RBFOX1: variants seen among roughly 807,000 people sequenced by gnomAD.
RBFOX1 encodes RNA binding protein fox-1 homolog 1.
A neutral mutation model predicts 57.7 loss-of-function variants in RBFOX1; 8 were observed. That is an observed-to-expected ratio of 0.14 (90% confidence interval 0.08 to 0.25). RBFOX1 has a LOEUF of 0.25. RBFOX1 is among the 10% of genes least tolerant of loss of function. RBFOX1 has a pLI of 1.00. For synonymous variants in RBFOX1, 326 were observed against 222.4 expected (o/e 1.47, Z -4.15); for missense variants, 611 against 548.5 (o/e 1.11, Z -1.14).
chr16:7,062,747 T>C (rs982659638), intron 4 of RBFOX1, among the ~76,000 whole-genome samples: 2 of 152,128 alleles, frequency 1.3e-5, no homozygotes, highest in African/African-American at 4.8e-5. Context: ...TTCATTCATT[T>C]CGGTAGTGAT....
chr16:5,455,159 C>G (rs143414006), intron 1 of RBFOX1, among the ~76,000 whole-genome samples: 1 of 151,732 alleles, frequency 6.6e-6, no homozygotes, highest in East Asian at 1.9e-4. Context: ...TGACTTGACT[C>G]TACTCCACAT....
At chr16:5,734,986 A>G (rs1169891679) in intron 3 of RBFOX1, among the ~76,000 whole-genome samples, 1 of 152,236 alleles carries the variant, frequency 6.6e-6, no homozygotes, top group Non-Finnish European at 1.5e-5. Flanking sequence ...GCCACAAAAA[A>G]GAAAGAAAAG....
intron 3 of RBFOX1, among the ~76,000 whole-genome samples, chr16:5,845,089 G>A (rs1024328119): frequency 1.3e-5 from 2 of 148,658 alleles, no homozygotes; most frequent in East Asian, 2.0e-4. Flanking sequence ...TCTGTAACAC[G>A]GAGGGTTTAG....
At chr16:6,310,467 C>A (rs1471207335) in intron 1 of RBFOX1, among the ~76,000 whole-genome samples, 2 of 152,172 alleles carry the variant, frequency 1.3e-5, no homozygotes, top group Non-Finnish European at 2.9e-5. Flanking sequence ...GGCTGTTTGG[C>A]TCCAGTAATA....
chr16:6,120,272 A>G (rs7197696), intron 1 of RBFOX1, among the ~76,000 whole-genome samples: 25,015 of 152,204 alleles, frequency 0.16, 2,183 homozygotes, highest in Admixed American at 0.27. Context: ...ACATGTTTTC[A>G]GTTCTTTTGG....
At chr16:5,394,337 C>T (rs1322659741) in intron 1 of RBFOX1, among the ~76,000 whole-genome samples, 1 of 152,092 alleles carries the variant, frequency 6.6e-6, no homozygotes, top group South Asian at 2.1e-4. Context: ...TTTCTTTTAA[C>T]AATGTTTACT....
intron 1 of RBFOX1, among the ~76,000 whole-genome samples, chr16:6,087,567 C>T (rs554409524): frequency 7.2e-5 from 11 of 152,118 alleles, no homozygotes; most frequent in South Asian, 4.2e-4. Flanking sequence ...AATGTCCTTC[C>T]GAAGTGTAAT....
intron 1 of RBFOX1, among the ~76,000 whole-genome samples, chr16:5,429,064 G>C (rs1436573782): frequency 6.6e-6 from 1 of 152,160 alleles, no homozygotes; most frequent in East Asian, 1.9e-4. Flanking sequence ...CTGGCCCTCT[G>C]GTGGCGAAGG....
At chr16:6,213,740 C>G (rs2097313385) in intron 1 of RBFOX1, among the ~76,000 whole-genome samples, 1 of 152,212 alleles carries the variant, frequency 6.6e-6, no homozygotes, top group Admixed American at 6.5e-5. Context: ...ACTTGTATCC[C>G]TCTCCATCCC....
intron 1 of RBFOX1, among the ~76,000 whole-genome samples, chr16:5,292,709 T>C (rs1243243257): frequency 2.0e-5 from 3 of 152,018 alleles, no homozygotes; most frequent in Admixed American, 6.6e-5. Context: ...CTGCAACCTC[T>C]GCCTCACTGG....
In RBFOX1 at chr16:6,483,518, A is replaced by G. The variant is rs751856210; in HGVS notation, c.-64+166461A>G. ...GCCGACAATGAAATCTTGGCAGCTA[A>G]TTGCAGTCGTGGGAGATGCCCTTCA... On this transcript the variant is annotated intron_variant, in intron 2 of 15. Coordinates refer to ENST00000550418, the MANE Select transcript of RBFOX1 (RefSeq NM_018723.4). 2.6e-6 allele frequency: 4 copies of G among 1,530,474 alleles called. No homozygotes were observed. In the East Asian group the frequency reaches 9.9e-5, roughly 38 times the overall value. 94.8% of individuals were successfully genotyped at this position (1,530,474 alleles called of 1,614,324 possible).
intron 2 of RBFOX1, among the ~76,000 whole-genome samples, chr16:6,402,215 T>G (rs758893043): frequency 6.6e-6 from 1 of 152,110 alleles, no homozygotes; most frequent in African/African-American, 2.4e-5. Context: ...AGAGCTAAAC[T>G]AGGCATATAG....
At chr16:5,628,277 A>G (rs1473700501) in intron 3 of RBFOX1, among the ~76,000 whole-genome samples, 1 of 152,154 alleles carries the variant, frequency 6.6e-6, no homozygotes, top group African/African-American at 2.4e-5. Flanking sequence ...CTACCATGCA[A>G]ATGGTGATCC....
intron 4 of RBFOX1, among the ~76,000 whole-genome samples, chr16:5,960,890 G>C (rs1596305097): frequency 6.6e-6 from 1 of 152,204 alleles, no homozygotes; most frequent in South Asian, 2.1e-4. Context: ...TGTTGACAGA[G>C]TGTTGACCAT....
At chr16:5,260,848 T>C (rs1470281142) in intron 1 of RBFOX1, 1 of 152,298 alleles carries the variant, frequency 6.6e-6, no homozygotes, top group Non-Finnish European at 1.5e-5. Flanking sequence ...AAGAACCAGA[T>C]AACATGCCAA....
At chr16:7,165,387 G>GTAATAATAATACTAATAA (rs1555525482) in intron 4 of RBFOX1, among the ~76,000 whole-genome samples, 10 of 141,200 alleles carry the variant, frequency 7.1e-5, no homozygotes, top group African/African-American at 2.6e-4. Flanking sequence ...TAACTCTTCT[G>GTAATAATAATACTAATAA]TAATAATAAT....
intron 4 of RBFOX1, among the ~76,000 whole-genome samples, chr16:7,151,989 G>C (rs1360229959): frequency 6.6e-6 from 1 of 152,136 alleles, no homozygotes; most frequent in Non-Finnish European, 1.5e-5. Context: ...TGTGTGGCCT[G>C]GTTTCTAACA....
chr16:6,297,145 T>C (rs12917674), intron 1 of RBFOX1, among the ~76,000 whole-genome samples: 150,651 of 152,250 alleles, frequency 0.99, 74,565 homozygotes, highest in Non-Finnish European at 1. Flanking sequence ...AAGTCAGTGT[T>C]GTCGCCATCT....
At chr16:6,306,393 C>T (rs1011062596) in intron 1 of RBFOX1, among the ~76,000 whole-genome samples, 3 of 152,154 alleles carry the variant, frequency 2.0e-5, no homozygotes, top group East Asian at 1.9e-4. Context: ...TCTCAGTTAT[C>T]GCTCATGCAT....
Sources: allele counts gnomAD v4.1 joint callset (sites outside exome capture counted in the v4.1 genomes callset), GRCh38; gene constraint gnomAD v4.1.1; transcripts MANE v1.5; gene names NCBI Gene and HGNC (gene_info 2026-07-23, HGNC 2026-07-21).